The following IL6 variants were observed in gnomAD, a reference collection of about 807,000 sequenced individuals.
IL6 encodes the protein interleukin 6.
In IL6, 5 loss-of-function variants were observed where a neutral mutation model predicts 18.0. The ratio of observed to expected loss-of-function variants is 0.28; its 90% CI spans 0.15 to 0.58. The LOEUF (loss-of-function observed/expected upper bound fraction) is 0.58. Ranked by LOEUF, IL6 falls within the 20% of genes least tolerant of loss-of-function variation. The pLI is 0.90. For missense variants in IL6, 266 were observed against 251.0 expected (o/e 1.06, Z -0.40); for synonymous variants, 97 against 95.1 (o/e 1.02, Z -0.12).
At position 22,731,683 on chromosome 7, in the gene IL6, G is replaced by C; in HGVS notation, c.*110G>C. 1.8e-6 allele frequency: 1 copy of C among 545,186 alleles called. No individual in the cohort carries two copies. The highest frequency in any genetic ancestry group is 2.8e-6 in the Non-Finnish European group (1 of 351,440). The allele number at this position is 545,186 out of a possible 1,614,324, so 33.8% of individuals were successfully genotyped here. ...TCTCTATGGAGAACTAAAAGTATGA[G>C]CGTTAGGACACTATTTTAATTATTT... On this transcript the variant is annotated 3_prime_UTR_variant, in exon 5 of 5. Transcript: ENST00000258743.
chr7:22,730,053 A>G, intron 4 of IL6: 1 of 985,424 alleles, frequency 1.0e-6, no homozygotes, highest in Non-Finnish European at 1.2e-6. Context: ...GCCAAGTGAC[A>G]TTCTTCTCAC....
rs897392227 is a variant in IL6, at chr7:22,731,648, C to T, written c.*75C>T. 3.5e-6 allele frequency: 4 copies of T among 1,141,432 alleles called. No individual in the cohort carries two copies. The highest frequency in any genetic ancestry group is 3.1e-5 in the African/African-American group (2 of 64,610). 70.7% of individuals were successfully genotyped at this position (1,141,432 alleles called of 1,614,324 possible). A position where few individuals can be genotyped will look rare whatever the true frequency, so the allele number is the denominator to read the frequency against. On this transcript the variant is annotated 3_prime_UTR_variant, in exon 5 of 5. Coordinates refer to ENST00000258743, the MANE Select transcript of IL6 (RefSeq NM_000600.5). ...AGAAACCTGTCCACTGGGCACAGAA[C>T]TTATGTTGTTCTCTATGGAGAACTA...
intron 4 of IL6, chr7:22,730,407 T>A: frequency 5.3e-6 from 2 of 375,086 alleles, no homozygotes; most frequent in Non-Finnish European, 3.7e-6. Flanking sequence ...TCTACCAGGC[T>A]TATATCCCTG....
In IL6 at chr7:22,728,867, G is replaced by T. The variant is rs931230893; in HGVS notation, c.324+61G>T. On this transcript the variant is annotated intron_variant, in intron 3 of 4. Transcript: ENST00000258743. The stretch of plus-strand genomic sequence containing the variant: ...TAGGCAAAACTTCTCCCTCTTGCAT[G>T]CAGTGCCTGTATACATATAGATCCA... 8.9e-6 allele frequency: 8 copies of T among 903,268 alleles called. No homozygotes were observed. The African/African-American group carries it at 1.2e-4, about 13-fold the overall frequency. The allele number at this position is 903,268 out of a possible 1,614,324, so 56.0% of individuals were successfully genotyped here.
Position 22,731,512 on chromosome 7 carries a change from T to C in IL6, c.578T>C (p.Leu193Pro). Residue 193 changes from leucine (L) to proline (P), a missense_variant, in exon 5 of 5, where the codon CTC (leucine) becomes CCC (proline). By Grantham distance (98) the Leu-to-Pro change is moderately conservative (BLOSUM62 -3). Coordinates refer to ENST00000258743, the MANE Select transcript of IL6 (RefSeq NM_000600.5). ...TGGCTGCAGGACATGACAACTCATC[T>C]CATTCTGCGCAGCTTTAAGGAGTTC... ...NQWLQDMTTHLILRSFKEFLQ... is the reference protein window; with the variant it reads ...NQWLQDMTTHPILRSFKEFLQ... The C allele has an allele frequency of 6.2e-7, 1 of 1,610,814 alleles. No individual in the cohort carries two copies. The highest frequency in any genetic ancestry group is 8.5e-7 in the Non-Finnish European group (1 of 1,177,526).
intron 2 of IL6, 30 bp from the exon 3 acceptor site, chr7:22,728,663 G>A (rs750234151): frequency 7.2e-6 from 9 of 1,248,328 alleles, no homozygotes; most frequent in Non-Finnish European, 1.1e-5. Context: ...GGGACACTTA[G>A]GTGATAACAA....
At chr7:22,728,400 G>A (rs1784055902) in intron 2 of IL6, 1 of 370,478 alleles carries the variant, frequency 2.7e-6, no homozygotes, top group Admixed American at 3.9e-5. Flanking sequence ...TGTGTGCCAG[G>A]CACTTTAAAT....
chr7:22,727,801 G>T (rs1011479695), intron 2 of IL6, among the ~76,000 whole-genome samples, 167 bp downstream of exon 2: 2 of 152,172 alleles, frequency 1.3e-5, no homozygotes, highest in Non-Finnish European at 2.9e-5. Flanking sequence ...TTTATCCTTT[G>T]CTGGTGTCAG....
intron 4 of IL6, among the ~76,000 whole-genome samples, chr7:22,730,970 G>A (rs1279095508): frequency 6.6e-6 from 1 of 152,156 alleles, no homozygotes; most frequent in East Asian, 1.9e-4. Context: ...GCCAGGCACA[G>A]TGCTGATATA....
intron 4 of IL6, among the ~76,000 whole-genome samples, 160 bp from the exon 5 acceptor site, chr7:22,731,246 T>A (rs1427140216): frequency 6.6e-6 from 1 of 151,562 alleles, no homozygotes; most frequent in Non-Finnish European, 1.5e-5. Flanking sequence ...AAAAAGAAGT[T>A]TGTTGCTATG....
chr7:22,727,729 T>C, intron 2 of IL6, 95 bp downstream of exon 2: 1 of 1,397,622 alleles, frequency 7.2e-7, no homozygotes, highest in Non-Finnish European at 9.6e-7. Context: ...TAGGAGGTCT[T>C]TGCTGGGTTC....
chr7:22,727,814 A>G (rs2069832), intron 2 of IL6, among the ~76,000 whole-genome samples, 180 bp downstream of exon 2: 109,175 of 152,166 alleles, frequency 0.72, 41,407 homozygotes, highest in East Asian at 1. Context: ...GGTGTCAGGA[A>G]GTTCCTTTCC....
At chr7:22,728,904 A>C in intron 3 of IL6, 98 bp downstream of exon 3, 1 of 716,644 alleles carries the variant, frequency 1.4e-6, no homozygotes, top group South Asian at 1.6e-5. Flanking sequence ...GCAGCAACAA[A>C]AAGTGGGTAA....
intron 2 of IL6, among the ~76,000 whole-genome samples, chr7:22,728,171 A>G (rs1784051517): frequency 6.6e-6 from 1 of 152,164 alleles, no homozygotes; most frequent in Non-Finnish European, 1.5e-5. Context: ...TTTGGTAGAA[A>G]GAAAAGAACA....
Position 22,729,579 on chromosome 7 carries a change from G to C in IL6, c.390G>C (p.Gln130His), listed in dbSNP as rs760165722. The C allele has an allele frequency of 6.2e-6, 10 of 1,613,982 alleles. No homozygotes were observed. In the African/African-American group the frequency reaches 1.3e-4, roughly 22 times the overall value. ...TTGAGGTATACCTAGAGTACCTCCA[G>C]AACAGATTTGAGAGTAGTGAGGAAC... ...LEFEVYLEYL[Q>H]NRFESSEEQA... Residue 130 changes from glutamine (Q) to histidine (H), a missense_variant, in exon 4 of 5, where the codon CAG becomes CAC. Coordinates refer to ENST00000258743, the MANE Select transcript of IL6 (RefSeq NM_000600.5).
intron 2 of IL6, among the ~76,000 whole-genome samples, chr7:22,727,939 CCTTT>C (rs1423402710): frequency 6.6e-6 from 1 of 152,128 alleles, no homozygotes; most frequent in African/African-American, 2.4e-5. Context: ...CTGTGAAGCT[CCTTT>C]TTGTCCCCCG....
At chr7:22,727,421 G>GCGCT in intron 1 of IL6, 23 bp from the exon 2 acceptor site, 1 of 1,613,612 alleles carries the variant, frequency 6.2e-7, no homozygotes, top group South Asian at 1.1e-5. Flanking sequence ...GCTCACCCCT[G>GCGCT]CGCTCGCTCC....
At chr7:22,727,373 C>T (rs764525148) in intron 1 of IL6, 71 bp from the exon 2 acceptor site, 1 of 1,613,142 alleles carries the variant, frequency 6.2e-7, no homozygotes, top group Non-Finnish European at 8.5e-7. Flanking sequence ...GGCTGGCGGG[C>T]GGCCAGCAGC....
chr7:22,727,724 G>C, intron 2 of IL6, 90 bp downstream of exon 2: 1 of 1,415,004 alleles, frequency 7.1e-7, no homozygotes, highest in Non-Finnish European at 9.5e-7. Context: ...TGCATTAGGA[G>C]GTCTTTGCTG....
Sources: allele counts gnomAD v4.1 joint callset (sites outside exome capture counted in the v4.1 genomes callset), GRCh38; gene constraint gnomAD v4.1.1; transcripts MANE v1.5; gene names NCBI Gene and HGNC (gene_info 2026-07-23, HGNC 2026-07-21).